Variants in RNF212 observed in about 807,000 individuals in gnomAD.
The protein encoded by RNF212 is ring finger protein 212.
Under a neutral mutation model 34.7 loss-of-function variants are expected in RNF212, and 33 were observed. The observed-to-expected ratio is 0.95, with a 90% CI of 0.72 to 1.27. The LOEUF is 1.27. RNF212 is among the 50% of genes most tolerant of loss of function. The pLI, the probability that RNF212 is intolerant of heterozygous loss-of-function variation, is 0.00. For synonymous variants in RNF212, 140 were observed against 136.1 expected, an observed-to-expected ratio of 1.03 and a Z score of -0.20; for missense variants, 377 against 362.2, an observed-to-expected ratio of 1.04 and a Z score of -0.33.
At position 1,088,584 on chromosome 4, in the gene RNF212, T is replaced by C. The variant is rs143489494; in HGVS notation, c.303+2198A>G. ...GGGAAATTCAAGCTGGCTGCAGAAA[T>C]GTGCATAAGTAACCAGGAGCCAGGA... On this transcript the variant is annotated intron_variant, in intron 4 of 9. Coordinates refer to ENST00000433731, the MANE Select transcript of RNF212 (RefSeq NM_001131034.4). Among the ~76,000 whole-genome samples, 802 of 152,304 alleles carry C rather than the reference T, an allele frequency of 5.3e-3. 11 individuals carry two copies. The highest frequency in any genetic ancestry group is 0.016 in the South Asian group (75 of 4,830).
chr4:1,081,427 G>A lies in RNF212; in HGVS notation c.456C>T (p.Ala152=), dbSNP rs553184111. 6.2e-7 allele frequency: 1 copy of A among 1,613,774 alleles called. No homozygotes were observed. The highest frequency in any genetic ancestry group is 1.3e-5 in the African/African-American group (1 of 75,006). ...HGCLLPPHSS[A]PDRLESMEVD... ...GCAAGCAACCCACACACCTGTCGGG[G>A]GCTGATGAGTGAGGTGGCAGCAGGC... Residue 152 remains alanine (A), a synonymous_variant, in exon 7 of 10, where the codon GCC becomes GCT. Coordinates refer to ENST00000433731, the MANE Select transcript of RNF212 (RefSeq NM_001131034.4).
intron 5 of RNF212, 62 bp from the exon 6 acceptor site, chr4:1,081,681 C>G (rs978047121): frequency 8.5e-7 from 1 of 1,175,304 alleles, no homozygotes; most frequent in African/African-American, 1.5e-5. Context: ...CCCAGGTCAT[C>G]CCAACTGAAA....
chr4:1,086,074 G>T, intron 4 of RNF212, 120 bp from the exon 5 acceptor site: 1 of 759,720 alleles, frequency 1.3e-6, no homozygotes, highest in Non-Finnish European at 2.3e-6. Flanking sequence ...TTGCCCTCAC[G>T]CTGCTCAGGA....
chr4:1,105,786 G>C (rs1015495747), intron 2 of RNF212, among the ~76,000 whole-genome samples: 9 of 152,264 alleles, frequency 5.9e-5, no homozygotes, highest in Non-Finnish European at 2.9e-5. Context: ...GCATGAGCCA[G>C]AGCTGTTGGT....
Position 1,081,326 on chromosome 4 carries a change from G to A in RNF212, c.464+93C>T. The A allele has an allele frequency of 2.8e-6, 3 of 1,073,524 alleles. No individual in the cohort carries two copies. The Admixed American group carries it at 5.1e-5, about 18-fold the overall frequency. The allele number at this position is 1,073,524 out of a possible 1,614,324, so 66.5% of individuals were successfully genotyped here. A position where few individuals can be genotyped will look rare whatever the true frequency, so the allele number is the denominator to read the frequency against. The stretch of plus-strand genomic sequence containing the variant: ...AACTGTATGGATTAGCAAAATCTGG[G>A]GGCTTGGAGAGGGGGTGGGGTTGGG... On this transcript the variant is annotated intron_variant, in intron 7 of 9. Coordinates refer to ENST00000433731, the MANE Select transcript of RNF212 (RefSeq NM_001131034.4).
At chr4:1,112,653 C>T (rs1213363524) in intron 1 of RNF212, among the ~76,000 whole-genome samples, 3 of 150,982 alleles carry the variant, frequency 2.0e-5, no homozygotes, top group African/African-American at 7.3e-5. Context: ...AGCCAGAGCC[C>T]CCGACTGACA....
At chr4:1,073,824 C>T (rs1229128642) in intron 8 of RNF212, 162 bp from the exon 9 acceptor site, 2 of 634,234 alleles carry the variant, frequency 3.2e-6, no homozygotes, top group Non-Finnish European at 5.8e-6. Flanking sequence ...TGTTCACCTC[C>T]CGACTCTGCC....
intron 4 of RNF212, among the ~76,000 whole-genome samples, chr4:1,089,796 C>A (rs192647218): frequency 1.3e-5 from 2 of 152,242 alleles, no homozygotes; most frequent in African/African-American, 4.8e-5. Flanking sequence ...TTCCCCCTGC[C>A]CTCTCTCCTG....
At chr4:1,094,029 G>C in intron 3 of RNF212, 11 of 1,471,436 alleles carry the variant, frequency 7.5e-6, no homozygotes, top group Non-Finnish European at 9.9e-6. Context: ...GGGTGATTCA[G>C]GCTGTTTCAG....
At chr4:1,107,742 G>A (rs550370196) in intron 2 of RNF212, among the ~76,000 whole-genome samples, 16 of 152,158 alleles carry the variant, frequency 1.1e-4, no homozygotes, top group Admixed American at 6.6e-5. Flanking sequence ...GAGCCATCAC[G>A]CCCGGCAGGA....
intron 3 of RNF212, chr4:1,096,483 C>A (rs1426987883): frequency 4.1e-6 from 1 of 242,934 alleles, no homozygotes; most frequent in Non-Finnish European, 7.3e-6. Flanking sequence ...CTCGGGATAG[C>A]GCACCTGGCT....
intron 3 of RNF212, 159 bp downstream of exon 3, chr4:1,096,606 C>A: frequency 1.5e-6 from 1 of 677,976 alleles, no homozygotes; most frequent in Admixed American, 2.2e-5. Context: ...GATAGTGCAC[C>A]TGGCTCATCA....
chr4:1,087,609 G>A (rs1403684146), intron 4 of RNF212, among the ~76,000 whole-genome samples: 2 of 151,094 alleles, frequency 1.3e-5, no homozygotes, highest in Admixed American at 6.6e-5. Context: ...GGGGTAAAGG[G>A]GTGACAGAAT....
intron 4 of RNF212, among the ~76,000 whole-genome samples, chr4:1,090,508 T>C (rs1474287044): frequency 7.9e-5 from 12 of 152,218 alleles, no homozygotes; most frequent in Non-Finnish European, 4.4e-5. Context: ...GGCCCCAGTG[T>C]TGCCCCAGGT....
chr4:1,072,941 G>T lies in RNF212; in HGVS notation c.827C>A (p.Thr276Lys). The T allele has an allele frequency of 6.2e-7, 1 of 1,613,916 alleles. No homozygotes were observed. The change falls in exon 10 of 10, where the codon ACG becomes AAG. Residue 276 changes from threonine (T) to lysine (K), a missense_variant. Thr to Lys is a moderately conservative substitution (Grantham distance 78, BLOSUM62 -1). Coordinates refer to ENST00000433731, the MANE Select transcript of RNF212 (RefSeq NM_001131034.4). ...AACAGACACAGCGGGTGTTCTGAAC[G>T]TGTCCAGGGTGCCCTCAGCCTGCTG... ...PFQQAEGTLD[T>K]FRTPAVSVVF...
chr4:1,061,841 C>G (rs750617650), intron 3 of RNF212, among the ~76,000 whole-genome samples: 9 of 152,336 alleles, frequency 5.9e-5, no homozygotes, highest in Non-Finnish European at 1.0e-4. Flanking sequence ...AGAATCCAGA[C>G]TTGCTGGGAC....
chr4:1,058,388 C>T lies in RNF212; in HGVS notation n.153G>A, dbSNP rs534541270. 3.3e-5 allele frequency: 32 copies of T among 982,102 alleles called. No homozygotes were observed. The African/African-American group carries it at 5.2e-4, about 16-fold the overall frequency. The allele number at this position is 982,102 out of a possible 1,614,324, so 60.8% of individuals were successfully genotyped here. On this transcript the variant is annotated non_coding_transcript_exon_variant, in exon 4 of 5. Coordinates refer to the RNF212 transcript ENST00000503206. ...GGATGCTCGGGGCCCAGGGAGGAGA[C>T]GCTGCCTGTGGTGGAACAAGAATAA... is the stretch of plus-strand genomic sequence containing the variant.
In RNF212 at chr4:1,113,517, G is replaced by C; in HGVS notation, c.-53C>G. 4 of 1,488,516 alleles carry C rather than the reference G, an allele frequency of 2.7e-6. No individual in the cohort carries two copies. Among genetic ancestry groups the C allele is most frequent in the African/African-American group, 1.4e-5 (1 of 69,674 alleles). 92.2% of individuals were successfully genotyped at this position (1,488,516 alleles called of 1,614,324 possible). A position where few individuals can be genotyped will look rare whatever the true frequency, so the allele number is the denominator to read the frequency against. ...CCGGGCCCACGCGAAGCCCACGCAA[G>C]GTTGGGACCAGCCTCCCCGCGCAGG... On this transcript the variant is annotated 5_prime_UTR_variant, in exon 1 of 10. Transcript: ENST00000433731.
At chr4:1,062,761 G>C (rs529414377) in intron 3 of RNF212, among the ~76,000 whole-genome samples, 9 of 152,194 alleles carry the variant, frequency 5.9e-5, no homozygotes, top group East Asian at 1.9e-4. Context: ...AAAGGAAAAA[G>C]TAAAACAACC....
Sources: allele counts gnomAD v4.1 joint callset (sites outside exome capture counted in the v4.1 genomes callset), GRCh38; gene constraint gnomAD v4.1.1; transcripts MANE v1.5; gene names NCBI Gene and HGNC (gene_info 2026-07-23, HGNC 2026-07-21).